Variants in GPM6A observed in about 807,000 individuals in gnomAD.
The protein encoded by GPM6A is neuronal membrane glycoprotein M6-a.
Under a neutral mutation model 32.1 loss-of-function variants are expected in GPM6A, and 7 were observed. That is an observed-to-expected ratio of 0.22 (90% CI 0.12 to 0.41). The LOEUF (loss-of-function observed/expected upper bound fraction) is 0.41. GPM6A is among the 10% of genes least tolerant of loss of function. The pLI, the probability that GPM6A is intolerant of heterozygous loss-of-function variation, is 1.00. For missense variants in GPM6A, 235 were observed against 347.2 expected, an observed-to-expected ratio of 0.68 and a Z score of 2.57; for synonymous variants, 130 against 123.4, an observed-to-expected ratio of 1.05 and a Z score of -0.35.
At chr4:175,767,475 C>T (rs919290994) in intron 1 of GPM6A, among the ~76,000 whole-genome samples, 1 of 152,180 alleles carries the variant, frequency 6.6e-6, no homozygotes, top group Non-Finnish European at 1.5e-5. Flanking sequence ...CCATGAAAAC[C>T]TCGAGAAATC....
chr4:175,811,628 C>T (rs547676537), intron 1 of GPM6A, among the ~76,000 whole-genome samples: 57 of 152,294 alleles, frequency 3.7e-4, no homozygotes, highest in Non-Finnish European at 6.8e-4. Flanking sequence ...AATCTTAACG[C>T]TTCCATACAC....
At chr4:175,819,569 C>T (rs1426451890) in intron 1 of GPM6A, among the ~76,000 whole-genome samples, 2 of 152,136 alleles carry the variant, frequency 1.3e-5, no homozygotes, top group Admixed American at 6.5e-5. Context: ...CACAACAGCC[C>T]TGTCAGGTAA....
At chr4:175,910,503 G>A (rs1738281060) in intron 1 of GPM6A, among the ~76,000 whole-genome samples, 1 of 152,126 alleles carries the variant, frequency 6.6e-6, no homozygotes, top group African/African-American at 2.4e-5. Flanking sequence ...GAAGAAAGGG[G>A]CCCAACAAGC....
At chr4:175,745,031 A>C (rs1732042733) in intron 1 of GPM6A, among the ~76,000 whole-genome samples, 1 of 152,152 alleles carries the variant, frequency 6.6e-6, no homozygotes, top group Non-Finnish European at 1.5e-5. Context: ...GGAAAGTGCA[A>C]ATCGTTTTCC....
At chr4:175,790,507 C>T (rs1225365004) in intron 1 of GPM6A, 1 of 152,114 alleles carries the variant, frequency 6.6e-6, no homozygotes, top group Non-Finnish European at 1.5e-5. Context: ...TTACTGTTAT[C>T]TTTATGAGTG....
intron 1 of GPM6A, among the ~76,000 whole-genome samples, chr4:175,996,199 T>A (rs965117283): frequency 2.0e-5 from 3 of 152,202 alleles, no homozygotes; most frequent in African/African-American, 7.2e-5. Context: ...AGGCCTCGAT[T>A]TTTTGTAATC....
chr4:175,665,013 C>T (rs566737325), intron 3 of GPM6A, among the ~76,000 whole-genome samples: 1 of 152,244 alleles, frequency 6.6e-6, no homozygotes, highest in East Asian at 1.9e-4. Flanking sequence ...ATTTGTGTCT[C>T]TAAACATATC....
At chr4:175,928,687 G>A (rs1005526194) in intron 1 of GPM6A, among the ~76,000 whole-genome samples, 3 of 152,182 alleles carry the variant, frequency 2.0e-5, no homozygotes, top group African/African-American at 4.8e-5. Context: ...ACCAAGAAAC[G>A]CAGTATGAAA....
intron 3 of GPM6A, among the ~76,000 whole-genome samples, chr4:175,669,481 G>T (rs1473291082): frequency 6.6e-6 from 1 of 152,118 alleles, no homozygotes; most frequent in Non-Finnish European, 1.5e-5. Flanking sequence ...AATCTGCAAT[G>T]CTCCAATGAA....
chr4:175,718,564 C>G (rs978686680), intron 1 of GPM6A, among the ~76,000 whole-genome samples: 1 of 151,940 alleles, frequency 6.6e-6, no homozygotes, highest in Non-Finnish European at 1.5e-5. Context: ...TGCAGTGAGC[C>G]GAGATTGCGC....
intron 1 of GPM6A, among the ~76,000 whole-genome samples, chr4:175,741,084 G>C (rs1731870507): frequency 6.6e-6 from 1 of 151,880 alleles, no homozygotes; most frequent in Admixed American, 6.6e-5. Flanking sequence ...CTGTCTAATT[G>C]GTTCTCCAAC....
chr4:175,643,868 A>G (rs1236338211), intron 4 of GPM6A, among the ~76,000 whole-genome samples: 2 of 152,154 alleles, frequency 1.3e-5, no homozygotes, highest in African/African-American at 4.8e-5. Context: ...AGGAACACTC[A>G]AATGAGCATG....
intron 1 of GPM6A, chr4:175,811,956 C>T: frequency 2.4e-6 from 1 of 410,300 alleles, no homozygotes; most frequent in Non-Finnish European, 4.3e-6. Context: ...TACCGCAATG[C>T]TCTTCTCACT....
chr4:175,658,144 C>T (rs1487825403), intron 3 of GPM6A, among the ~76,000 whole-genome samples: 2 of 151,874 alleles, frequency 1.3e-5, no homozygotes, highest in African/African-American at 2.4e-5. Flanking sequence ...TTCAAAATTG[C>T]CCAAACTTGG....
intron 1 of GPM6A, among the ~76,000 whole-genome samples, chr4:175,882,204 G>T (rs1048389274): frequency 4.6e-5 from 7 of 151,854 alleles, no homozygotes; most frequent in African/African-American, 2.4e-5. Context: ...CTGAGGTAGC[G>T]TGCCTCTAAA....
At chr4:175,674,973 C>A (rs1743284623) in intron 2 of GPM6A, among the ~76,000 whole-genome samples, 1 of 150,996 alleles carries the variant, frequency 6.6e-6, no homozygotes. Context: ...ATGTGCACAG[C>A]CAGAACTGAT....
At chr4:175,936,074 G>T (rs1049338002) in intron 1 of GPM6A, among the ~76,000 whole-genome samples, 2 of 151,574 alleles carry the variant, frequency 1.3e-5, no homozygotes, top group Non-Finnish European at 2.9e-5. Context: ...GGGAGGCCGA[G>T]GGGGGTGGAT....
chr4:175,657,122 A>G (rs1742125211), intron 3 of GPM6A, among the ~76,000 whole-genome samples: 1 of 152,224 alleles, frequency 6.6e-6, no homozygotes. Flanking sequence ...TCACAGTGAT[A>G]TATTCTGGTA....
chr4:175,830,277 T>G (rs547223264), intron 1 of GPM6A, among the ~76,000 whole-genome samples: 23 of 152,342 alleles, frequency 1.5e-4, no homozygotes, highest in African/African-American at 5.3e-4. Context: ...AGTGAGGTTG[T>G]GTTAAATGCC....
Sources: allele counts gnomAD v4.1 joint callset (sites outside exome capture counted in the v4.1 genomes callset), GRCh38; gene constraint gnomAD v4.1.1; transcripts MANE v1.5; gene names NCBI Gene and HGNC (gene_info 2026-07-23, HGNC 2026-07-21).